LDHAL6A: variants seen among roughly 807,000 people sequenced by gnomAD.
The protein encoded by LDHAL6A is lactate dehydrogenase A like 6A.
In LDHAL6A, 19 loss-of-function variants were observed where a neutral mutation model predicts 28.2. The ratio of observed to expected loss-of-function variants is 0.67; its 90% CI spans 0.47 to 0.99. The LOEUF is 0.99. Ranked by LOEUF, LDHAL6A falls within the 50% of genes least tolerant of loss-of-function variation. LDHAL6A has a pLI of 0.00. For missense variants in LDHAL6A, 372 were observed against 398.6 expected (o/e 0.93, Z 0.57); for synonymous variants, 144 against 134.4 (o/e 1.07, Z -0.49).
At chr11:18,470,584 C>A (rs1057209175) in intron 3 of LDHAL6A, among the ~76,000 whole-genome samples, 4 of 152,100 alleles carry the variant, frequency 2.6e-5, no homozygotes, top group African/African-American at 9.7e-5. Context: ...TTTGGCAAAT[C>A]ATGGATAAAA....
At chr11:18,471,315 T>G (rs1284385304) in intron 3 of LDHAL6A, among the ~76,000 whole-genome samples, 1 of 151,506 alleles carries the variant, frequency 6.6e-6, no homozygotes, top group Non-Finnish European at 1.5e-5. Flanking sequence ...GTTCAAGTGA[T>G]TCTCGTGCCT....
At chr11:18,474,246 T>C (rs1849314682) in intron 3 of LDHAL6A, among the ~76,000 whole-genome samples, 1 of 151,498 alleles carries the variant, frequency 6.6e-6, no homozygotes. Flanking sequence ...GCCTGGCTAA[T>C]TTTTTTATTT....
intron 3 of LDHAL6A, among the ~76,000 whole-genome samples, chr11:18,469,619 T>C (rs981422671): frequency 2.6e-5 from 4 of 152,250 alleles, no homozygotes; most frequent in Non-Finnish European, 5.9e-5. Flanking sequence ...AGCTTAGTTC[T>C]GTATTTGCTT....
chr11:18,475,377 A>T (rs895394311), intron 3 of LDHAL6A, 89 bp from the exon 4 acceptor site: 1 of 1,043,208 alleles, frequency 9.6e-7, no homozygotes, highest in Middle Eastern at 2.9e-4. Context: ...TCCACAAAAC[A>T]TCAGATTTAC....
Position 18,462,645 on chromosome 11 carries a change from AACAAACAAACAAAAAAAAAAAC to A in LDHAL6A, c.127-1314_127-1293del, listed in dbSNP as rs1565067257. On this transcript the variant is annotated intron_variant, in intron 1 of 6. Transcript: ENST00000280706. The stretch of plus-strand genomic sequence containing the variant: ...GAGCAAGACTCTGTCTCAAAAAACA[AACAAACAAACAAAAAAAAAAAC>A]AAAAAAAACCCAAAAATTAGCTGGG... Among the ~76,000 whole-genome samples, 51 of 70,730 alleles carry A rather than the reference AACAAACAAACAAAAAAAAAAAC, an allele frequency of 7.2e-4. 1 individual carries two copies. Among genetic ancestry groups the A allele is most frequent in the African/African-American group, 3.8e-3 (44 of 11,710 alleles). The allele number at this position is 70,730 out of a possible 152,430, so 46.4% of individuals were successfully genotyped here.
At chr11:18,461,127 C>T (rs530003146) in intron 1 of LDHAL6A, among the ~76,000 whole-genome samples, 4 of 151,004 alleles carry the variant, frequency 2.6e-5, no homozygotes, top group Admixed American at 1.3e-4. Context: ...CGTGAGCCAC[C>T]GCGCCCGGCC....
chr11:18,479,092 C>T lies in LDHAL6A; in HGVS notation c.*222C>T, dbSNP rs1849472426. On this transcript the variant is annotated 3_prime_UTR_variant, in exon 7 of 7. Coordinates refer to ENST00000280706, the MANE Select transcript of LDHAL6A (RefSeq NM_144972.5). ...TGGCACAATCATGGCTCACTGCAAC[C>T]TTGACCTCCCGAGCTCAGGTGAGCC... is the stretch of plus-strand genomic sequence containing the variant. 1 of 376,578 alleles carries T rather than the reference C, an allele frequency of 2.7e-6. No individual in the cohort carries two copies. The highest frequency in any genetic ancestry group is 4.8e-6 in the Non-Finnish European group (1 of 208,504). The allele number at this position is 376,578 out of a possible 1,614,324, so 23.3% of individuals were successfully genotyped here.
rs372035364 is a variant in LDHAL6A, at chr11:18,473,081, C to T, written c.419-2385C>T. Reference sequence around the variant, plus strand: ...AAAACCCAACACATTTCCTCACTTACGAGTATTTTCTTATTTTTGATATTG... The same window carrying T: ...AAAACCCAACACATTTCCTCACTTATGAGTATTTTCTTATTTTTGATATTG... On this transcript the variant is annotated intron_variant, in intron 3 of 6. Transcript: ENST00000280706. 9.9e-5 allele frequency among the ~76,000 whole-genome samples: 15 copies of T among 152,128 alleles called. No individual in the cohort carries two copies. In the East Asian group the frequency reaches 1.9e-3, roughly 20 times the overall value.
At chr11:18,472,270 G>T (rs750990170) in intron 3 of LDHAL6A, among the ~76,000 whole-genome samples, 2 of 152,124 alleles carry the variant, frequency 1.3e-5, no homozygotes, top group African/African-American at 2.4e-5. Context: ...TATGTATGAG[G>T]AAACTTAAAG....
rs771597006 is a variant in LDHAL6A at position 18,479,023 on chromosome 11, C to G, written c.*153C>G. On this transcript the variant is annotated 3_prime_UTR_variant, in exon 7 of 7. Coordinates refer to ENST00000280706, the MANE Select transcript of LDHAL6A (RefSeq NM_144972.5). ...ATAGCCTTCCAGCTTTTTTTTTTTT[C>G]TTTTTTGGGAGGGTCTCATTCTGTC... 1 of 577,924 alleles carries G rather than the reference C, an allele frequency of 1.7e-6. No individual in the cohort carries two copies. The highest frequency in any genetic ancestry group is 2.8e-6 in the Non-Finnish European group (1 of 353,390). The allele number at this position is 577,924 out of a possible 1,614,324, so 35.8% of individuals were successfully genotyped here.
Position 18,475,297 on chromosome 11 carries a change from C to T in LDHAL6A, c.419-169C>T. The T allele has an allele frequency of 1.1e-5, 6 of 551,560 alleles. 1 individual carries two copies. Among genetic ancestry groups the T allele is most frequent in the Non-Finnish European group, 1.9e-5 (6 of 310,772 alleles). 34.2% of individuals were successfully genotyped at this position (551,560 alleles called of 1,614,324 possible). A position where few individuals can be genotyped will look rare whatever the true frequency, so the allele number is the denominator to read the frequency against. On this transcript the variant is annotated intron_variant, in intron 3 of 6. Coordinates refer to ENST00000280706, the MANE Select transcript of LDHAL6A (RefSeq NM_144972.5). Reference sequence around the variant, plus strand: ...TCAACGAAAAGGTTTTTCATTACTTCTATTTGGTAGATATTCTTAAGAGTT... The same window carrying T: ...TCAACGAAAAGGTTTTTCATTACTTTTATTTGGTAGATATTCTTAAGAGTT...
Position 18,456,657 on chromosome 11 carries a change from T to G in LDHAL6A, c.-24T>G. ...AGGTCTTGGAAATGGCTGTGCAATT[T>G]GTCTTCACTGTTAGGTTTCCAAGAT... On this transcript the variant is annotated 5_prime_UTR_variant, in exon 1 of 7. Transcript: ENST00000280706. 1 of 1,612,522 alleles carries G rather than the reference T, an allele frequency of 6.2e-7. No homozygotes were observed. The highest frequency in any genetic ancestry group is 1.1e-5 in the South Asian group (1 of 90,790).
chr11:18,466,150 T>C (rs1311373293), intron 3 of LDHAL6A, among the ~76,000 whole-genome samples: 1 of 152,216 alleles, frequency 6.6e-6, no homozygotes, highest in Non-Finnish European at 1.5e-5. Flanking sequence ...AGGACATGAT[T>C]TTGTTTTTTA....
intron 4 of LDHAL6A, chr11:18,475,845 C>A: frequency 2.1e-6 from 1 of 473,972 alleles, no homozygotes; most frequent in Non-Finnish European, 3.7e-6. Context: ...TACTATAATC[C>A]TACATATGGA....
intron 6 of LDHAL6A, among the ~76,000 whole-genome samples, 184 bp from the exon 7 acceptor site, chr11:18,478,522 T>A (rs781664542): frequency 2.6e-5 from 4 of 151,962 alleles, no homozygotes; most frequent in Non-Finnish European, 2.9e-5. Flanking sequence ...ATCGTGCCAC[T>A]GCACTCCAGC....
rs369291120 is a variant in LDHAL6A, at chr11:18,475,469, A to G, written c.422A>G (p.Asp141Gly). The G allele has an allele frequency of 8.1e-6, 13 of 1,610,864 alleles. No homozygotes were observed. In the South Asian group the frequency reaches 1.1e-4, roughly 14 times the overall value. The change falls in exon 4 of 7, where the codon GAT becomes GGT. Residue 141 changes from aspartate (D) to glycine (G), a missense_variant. Transcript: ENST00000280706. ...CKLLIVTNPVDILTYVAWKLS... is the reference protein window; with the variant it reads ...CKLLIVTNPVGILTYVAWKLS... ...GATATGAACTTTTTCTTCTTAGTGG[A>G]TATCTTAACTTATGTAGCCTGGAAG...
In LDHAL6A at chr11:18,471,588, T is replaced by C. The variant is rs1475846940; in HGVS notation, c.419-3878T>C. 2.6e-5 allele frequency among the ~76,000 whole-genome samples: 4 copies of C among 152,130 alleles called. No individual in the cohort carries two copies. In the East Asian group the frequency reaches 7.7e-4, roughly 29 times the overall value. ...ATTTTAGTTTATTACTGTGGAAATG[T>C]GGAGCACAAGACATGACAAATACTA... On this transcript the variant is annotated intron_variant, in intron 3 of 6. Coordinates refer to ENST00000280706, the MANE Select transcript of LDHAL6A (RefSeq NM_144972.5).
chr11:18,479,017 T>C lies in LDHAL6A; in HGVS notation c.*147T>C. On this transcript the variant is annotated 3_prime_UTR_variant, in exon 7 of 7. Coordinates refer to ENST00000280706, the MANE Select transcript of LDHAL6A (RefSeq NM_144972.5). ...TTTAGTATAGCCTTCCAGCTTTTTTTTTTTTCTTTTTTGGGAGGGTCTCAT... is the reference window on the plus strand; with the variant it reads ...TTTAGTATAGCCTTCCAGCTTTTTTCTTTTTCTTTTTTGGGAGGGTCTCAT... The C allele has an allele frequency of 3.0e-6, 2 of 661,362 alleles. No homozygotes were observed. Among genetic ancestry groups the C allele is most frequent in the South Asian group, 4.2e-5 (2 of 47,998 alleles). 41.0% of individuals were successfully genotyped at this position (661,362 alleles called of 1,614,324 possible).
intron 3 of LDHAL6A, among the ~76,000 whole-genome samples, chr11:18,467,920 CACACACATATATATAT>C (rs1849127152): frequency 3.1e-4 from 13 of 42,028 alleles, no homozygotes; most frequent in African/African-American, 1.6e-3. Context: ...TATATATATA[CACACACATATATATAT>C]ACACACACAT....
Sources: gnomAD v4.1 joint callset for allele counts (sites outside exome capture counted in the v4.1 genomes callset) on GRCh38, gnomAD v4.1.1 for gene constraint, MANE v1.5 for transcripts, NCBI Gene and HGNC (gene_info 2026-07-23, HGNC 2026-07-21) for gene names.